ROBO2: variants seen among roughly 807,000 people sequenced by gnomAD.
ROBO2 encodes roundabout homolog 2.
Under a neutral mutation model 160.8 loss-of-function variants are expected in ROBO2, and 53 were observed. The observed-to-expected ratio is 0.33, with a 90% CI of 0.26 to 0.41. The LOEUF is 0.41. Among genes scored for constraint, ROBO2 ranks in the 10% least tolerant of loss-of-function variants. The pLI, the probability that ROBO2 is intolerant of heterozygous loss-of-function variation, is 1.00. For synonymous variants in ROBO2, 664 were observed against 611.7 expected, an observed-to-expected ratio of 1.09 and a Z score of -1.26; for missense variants, 1,577 against 1,722.4, an observed-to-expected ratio of 0.92 and a Z score of 1.49.
chr3:76,834,267 C>T (rs760874362), intron 2 of ROBO2, among the ~76,000 whole-genome samples: 9 of 150,614 alleles, frequency 6.0e-5, no homozygotes, highest in Non-Finnish European at 1.5e-5. Flanking sequence ...TGCAGTGGTA[C>T]AATCATAGCT....
At position 77,095,776 on chromosome 3, in the gene ROBO2, A is replaced by G. The variant is rs556914816; in HGVS notation, c.62-2238A>G. Among the ~76,000 whole-genome samples, 170 of 152,244 alleles carry G rather than the reference A, an allele frequency of 1.1e-3. 1 individual carries two copies. Among genetic ancestry groups the G allele is most frequent in the African/African-American group, 3.8e-3 (159 of 41,586 alleles). On this transcript the variant is annotated intron_variant, in intron 1 of 25. Transcript: ENST00000461745. ...TTTAAATACTTTGGGGTCTTTCTTG[A>G]TTATGAATTTAAAAATTCATTGTTA...
intron 6 of ROBO2, among the ~76,000 whole-genome samples, chr3:77,524,967 T>G (rs1347724915): frequency 6.6e-6 from 1 of 151,338 alleles, no homozygotes; most frequent in Non-Finnish European, 1.5e-5. Context: ...AAAATACTGT[T>G]TAAAAACATT....
chr3:77,440,719 T>A lies in ROBO2; in HGVS notation c.389-36695T>A, dbSNP rs558596832. Reference sequence around the variant, plus strand: ...GTGAAAGCTCAATTTTATTCCTCTTTATTCATTCTTACTGGGAAAGAAGGA... The same window carrying A: ...GTGAAAGCTCAATTTTATTCCTCTTAATTCATTCTTACTGGGAAAGAAGGA... On this transcript the variant is annotated intron_variant, in intron 2 of 25. Transcript: ENST00000461745. 9.2e-5 allele frequency among the ~76,000 whole-genome samples: 14 copies of A among 152,336 alleles called. No homozygotes were observed. In the South Asian group the frequency reaches 2.9e-3, roughly 32 times the overall value.
chr3:77,151,573 A>C (rs1252859257), intron 2 of ROBO2, among the ~76,000 whole-genome samples: 1 of 152,296 alleles, frequency 6.6e-6, no homozygotes, highest in Admixed American at 6.5e-5. Context: ...CTTTCTGTTA[A>C]CATACACTAT....
intron 2 of ROBO2, among the ~76,000 whole-genome samples, chr3:76,627,923 C>G (rs2089764786): frequency 6.6e-6 from 1 of 151,988 alleles, no homozygotes; most frequent in Non-Finnish European, 1.5e-5. Flanking sequence ...AATCCTAAAA[C>G]TAAGTCTAGA....
chr3:77,251,000 T>C (rs1196023701), intron 2 of ROBO2, among the ~76,000 whole-genome samples: 1 of 152,052 alleles, frequency 6.6e-6, no homozygotes, highest in Non-Finnish European at 1.5e-5. Context: ...CTCTCCAGGG[T>C]TGCAGTCTCA....
intron 2 of ROBO2, among the ~76,000 whole-genome samples, chr3:77,107,690 GACCAGTCTCCTCTGGAT>G (rs1213465959): frequency 6.6e-6 from 1 of 152,106 alleles, no homozygotes; most frequent in Non-Finnish European, 1.5e-5. Context: ...GGGGTCTTGA[GACCAGTCTCCTCTGGAT>G]ACCAAGGAAC....
chr3:76,182,541 T>C (rs1701556761), intron 2 of ROBO2, among the ~76,000 whole-genome samples: 1 of 152,102 alleles, frequency 6.6e-6, no homozygotes, highest in Non-Finnish European at 1.5e-5. Flanking sequence ...GATTAACCCC[T>C]GTGTCCCTCC....
chr3:76,221,260 G>T (rs555215863), intron 2 of ROBO2, among the ~76,000 whole-genome samples: 2 of 152,082 alleles, frequency 1.3e-5, no homozygotes, highest in African/African-American at 4.8e-5. Flanking sequence ...GTGATGGTGA[G>T]TAGTGCCACT....
intron 2 of ROBO2, among the ~76,000 whole-genome samples, chr3:77,333,513 TA>T (rs1409126790): frequency 7.9e-5 from 12 of 152,210 alleles, no homozygotes. Flanking sequence ...ATTTAAATTT[TA>T]ATGCATATGT....
chr3:77,049,138 G>A (rs905686107), intron 1 of ROBO2, among the ~76,000 whole-genome samples: 5 of 152,078 alleles, frequency 3.3e-5, no homozygotes, highest in African/African-American at 7.2e-5. Context: ...AGACCAGCCT[G>A]GGCAACATAG....
chr3:77,239,329 G>A (rs866795779), intron 2 of ROBO2, among the ~76,000 whole-genome samples: 6 of 151,674 alleles, frequency 4.0e-5, no homozygotes, highest in Admixed American at 1.3e-4. Flanking sequence ...CGTTCCTCCC[G>A]TCCAGAGTTG....
At chr3:77,254,575 C>A (rs565739158) in intron 2 of ROBO2, among the ~76,000 whole-genome samples, 7 of 151,858 alleles carry the variant, frequency 4.6e-5, no homozygotes, top group African/African-American at 1.5e-4. Context: ...GAATACCTTT[C>A]GGAACTATTA....
intron 2 of ROBO2, among the ~76,000 whole-genome samples, chr3:75,962,759 ATAATTCTTTCG>A (rs1948965782): frequency 6.6e-6 from 1 of 151,868 alleles, no homozygotes; most frequent in Non-Finnish European, 1.5e-5. Flanking sequence ...AAATATAAAA[ATAATTCTTTCG>A]TGCTGTGTGA....
intron 2 of ROBO2, among the ~76,000 whole-genome samples, chr3:77,353,076 C>A (rs915037936): frequency 3.7e-5 from 5 of 136,976 alleles, no homozygotes; most frequent in African/African-American, 5.4e-5. Flanking sequence ...GGAATAAATT[C>A]TTAATGGCTT....
Position 77,294,737 on chromosome 3 carries a change from C to T in ROBO2, c.389-182677C>T, listed in dbSNP as rs576792853. Among the ~76,000 whole-genome samples, 235 of 142,440 alleles carry T rather than the reference C, an allele frequency of 1.6e-3. 6 individuals carry two copies. The highest frequency in any genetic ancestry group is 5.8e-3 in the African/African-American group (204 of 35,270). 93.4% of individuals were successfully genotyped at this position (142,440 alleles called of 152,430 possible). A position where few individuals can be genotyped will look rare whatever the true frequency, so the allele number is the denominator to read the frequency against. On this transcript the variant is annotated intron_variant, in intron 2 of 25. Transcript: ENST00000461745. ...ACATGAAGTAAAATTGATGGTTAAA[C>T]GGGTAAGCTGAGGCTAGATCACCCC... is the stretch of plus-strand genomic sequence containing the variant.
rs546148136 is a variant in ROBO2, at chr3:76,290,086, A to G, written c.109+352484A>G. ...CTGAATTTGGACATGGCTTTGGGCA[A>G]TGTGGCCATTTTAGTGATATTGATT... On this transcript the variant is annotated intron_variant, in intron 2 of 26. Coordinates refer to the ROBO2 transcript ENST00000487694. Among the ~76,000 whole-genome samples the G allele has an allele frequency of 3.1e-4, 47 of 152,224 alleles. 2 individuals carry two copies. In the South Asian group the frequency reaches 8.7e-3, roughly 28 times the overall value.
intron 2 of ROBO2, among the ~76,000 whole-genome samples, chr3:76,422,174 A>G (rs2076023461): frequency 6.6e-6 from 1 of 152,202 alleles, no homozygotes; most frequent in African/African-American, 2.4e-5. Context: ...AATGGGATAG[A>G]AATGAAAGAA....
chr3:75,927,954 C>G (rs931698225), intron 1 of ROBO2, among the ~76,000 whole-genome samples: 5 of 148,154 alleles, frequency 3.4e-5, no homozygotes, highest in African/African-American at 1.2e-4. Flanking sequence ...TGTATTATAG[C>G]CTTTCTTTAA....
Sources: allele counts gnomAD v4.1 joint callset (sites outside exome capture counted in the v4.1 genomes callset), GRCh38; gene constraint gnomAD v4.1.1; transcripts MANE v1.5; gene names NCBI Gene and HGNC (gene_info 2026-07-23, HGNC 2026-07-21).